DCC: variants seen among roughly 807,000 people sequenced by gnomAD.
The protein encoded by DCC is netrin receptor DCC.
DCC carries 58 observed loss-of-function variants against 172.5 expected under a neutral mutation model. The observed-to-expected ratio is 0.34, with a 90% CI of 0.27 to 0.42. The LOEUF is 0.42. Among genes scored for constraint, DCC ranks in the 10% least tolerant of loss-of-function variants. DCC has a pLI of 1.00. For missense variants in DCC, 1,740 were observed against 1,791.0 expected, an observed-to-expected ratio of 0.97 and a Z score of 0.51; for synonymous variants, 709 against 644.5, an observed-to-expected ratio of 1.10 and a Z score of -1.52.
At chr18:53,122,558 T>A (rs1312222703) in intron 7 of DCC, among the ~76,000 whole-genome samples, 1 of 152,014 alleles carries the variant, frequency 6.6e-6, no homozygotes, top group Non-Finnish European at 1.5e-5. Flanking sequence ...AATTCAGTAG[T>A]CTAGAAAAAC....
At chr18:52,724,796 C>T (rs1252304824) in intron 1 of DCC, among the ~76,000 whole-genome samples, 1 of 152,200 alleles carries the variant, frequency 6.6e-6, no homozygotes, top group Admixed American at 6.5e-5. Flanking sequence ...TAAACCAGCA[C>T]AGTGAGTAAA....
At chr18:52,865,776 A>G (rs1215006596) in intron 2 of DCC, among the ~76,000 whole-genome samples, 1 of 151,866 alleles carries the variant, frequency 6.6e-6, no homozygotes, top group African/African-American at 2.4e-5. Context: ...AGATTGCAAA[A>G]TTTTTCTCCC....
chr18:53,477,164 A>G (rs1489712778), intron 25 of DCC, among the ~76,000 whole-genome samples: 6 of 152,102 alleles, frequency 3.9e-5, no homozygotes, highest in Non-Finnish European at 8.8e-5. Context: ...ATAAGCCAAC[A>G]TGCCCAGCTA....
chr18:52,736,225 T>TGACC (rs1158577313), intron 1 of DCC, among the ~76,000 whole-genome samples: 1 of 151,388 alleles, frequency 6.6e-6, no homozygotes, highest in African/African-American at 2.4e-5. Context: ...AACCTTTCCC[T>TGACC]GACCAATAGG....
chr18:52,441,420 T>C (rs1987965569), intron 1 of DCC, among the ~76,000 whole-genome samples: 1 of 152,198 alleles, frequency 6.6e-6, no homozygotes, highest in Non-Finnish European at 1.5e-5. Flanking sequence ...TGAAGTGTTG[T>C]TATGGATTTG....
Position 53,216,623 on chromosome 18 carries a change from G to T in DCC, c.1911+1026G>T, listed in dbSNP as rs1054387123. ...TGATTCCTTCATTCCATGTGCAAAT[G>T]CCTTGTCATATTTTGTAAAAAATCT... On this transcript the variant is annotated intron_variant, in intron 12 of 28. Transcript: ENST00000442544. 2.0e-5 allele frequency among the ~76,000 whole-genome samples: 3 copies of T among 152,006 alleles called. No individual in the cohort carries two copies. The East Asian group carries it at 5.8e-4, about 29-fold the overall frequency.
chr18:52,539,469 C>T (rs185718618), intron 1 of DCC, among the ~76,000 whole-genome samples: 5 of 152,274 alleles, frequency 3.3e-5, no homozygotes, highest in Admixed American at 6.5e-5. Context: ...ACCTGAGCTC[C>T]GCCTCCTCTC....
At chr18:52,856,537 G>A (rs923347322) in intron 2 of DCC, among the ~76,000 whole-genome samples, 2 of 148,518 alleles carry the variant, frequency 1.3e-5, no homozygotes, top group African/African-American at 2.5e-5. Flanking sequence ...GAGGCTGGAG[G>A]ATGGCGTGAA....
intron 12 of DCC, among the ~76,000 whole-genome samples, chr18:53,279,971 A>G (rs1341247978): frequency 6.6e-6 from 1 of 152,112 alleles, no homozygotes; most frequent in Non-Finnish European, 1.5e-5. Flanking sequence ...ATAGTAAAAA[A>G]AAACTACCGT....
chr18:53,197,863 A>G (rs1416074620), intron 9 of DCC, among the ~76,000 whole-genome samples: 1 of 152,126 alleles, frequency 6.6e-6, no homozygotes, highest in African/African-American at 2.4e-5. Flanking sequence ...AAGAGAAAGA[A>G]AAGATAAAAA....
intron 7 of DCC, among the ~76,000 whole-genome samples, chr18:53,072,420 A>T (rs1388143867): frequency 6.6e-6 from 1 of 152,166 alleles, no homozygotes; most frequent in South Asian, 2.1e-4. Flanking sequence ...GATATTAGTT[A>T]TCTCTGAGTT....
At chr18:53,222,120 A>G (rs2055941986) in intron 12 of DCC, among the ~76,000 whole-genome samples, 1 of 152,164 alleles carries the variant, frequency 6.6e-6, no homozygotes, top group Non-Finnish European at 1.5e-5. Flanking sequence ...TTTCAGTGAA[A>G]TTACAGTCAA....
chr18:53,152,753 G>T (rs1002265995), intron 7 of DCC, among the ~76,000 whole-genome samples: 1 of 152,184 alleles, frequency 6.6e-6, no homozygotes, highest in African/African-American at 2.4e-5. Context: ...TCTTTATTGA[G>T]ACCTTATTTG....
chr18:53,028,403 C>T (rs546535467), intron 5 of DCC, among the ~76,000 whole-genome samples: 15 of 152,228 alleles, frequency 9.9e-5, no homozygotes, highest in South Asian at 6.2e-4. Context: ...AGACTTGCCT[C>T]TTTTCACCAC....
intron 7 of DCC, among the ~76,000 whole-genome samples, chr18:53,074,539 C>A (rs1568286530): frequency 6.6e-6 from 1 of 152,102 alleles, no homozygotes; most frequent in Non-Finnish European, 1.5e-5. Context: ...TTCAGCATAT[C>A]TGATGGTACA....
At chr18:52,919,618 T>C (rs1423926463) in intron 3 of DCC, among the ~76,000 whole-genome samples, 1 of 140,714 alleles carries the variant, frequency 7.1e-6, no homozygotes, top group Non-Finnish European at 1.6e-5. Context: ...TATCTGAAAA[T>C]GGAAAAGTCG....
chr18:52,890,595 C>T lies in DCC; in HGVS notation c.413-15449C>T, dbSNP rs186431104. On this transcript the variant is annotated intron_variant, in intron 2 of 28. Transcript: ENST00000442544. The stretch of plus-strand genomic sequence containing the variant: ...GTGAGAGATTACCTTGAAGACATAC[C>T]TCACATATCACTCATAGGTGGCCCC... Among the ~76,000 whole-genome samples the T allele has an allele frequency of 1.2e-3, 184 of 152,148 alleles. 1 individual carries two copies. Among genetic ancestry groups the T allele is most frequent in the African/African-American group, 4.2e-3 (174 of 41,534 alleles).
chr18:52,787,876 T>G (rs2037688415), intron 2 of DCC, among the ~76,000 whole-genome samples: 1 of 152,110 alleles, frequency 6.6e-6, no homozygotes, highest in African/African-American at 2.4e-5. Context: ...AAAAGCCAAA[T>G]TTTTACCCTT....
chr18:52,908,145 G>C (rs2039918440), intron 3 of DCC, among the ~76,000 whole-genome samples: 1 of 152,298 alleles, frequency 6.6e-6, no homozygotes, highest in Admixed American at 6.5e-5. Flanking sequence ...ACTGTGTATA[G>C]TTATCACAAG....
Sources: gnomAD v4.1 joint callset for allele counts (sites outside exome capture counted in the v4.1 genomes callset) on GRCh38, gnomAD v4.1.1 for gene constraint, MANE v1.5 for transcripts, NCBI Gene and HGNC (gene_info 2026-07-23, HGNC 2026-07-21) for gene names.